HIVEP3: variants seen among roughly 807,000 people sequenced by gnomAD.
HIVEP3 encodes transcription factor HIVEP3.
HIVEP3 carries 49 observed loss-of-function variants against 152.8 expected under a neutral mutation model. The ratio of observed to expected loss-of-function variants is 0.32; its 90% confidence interval spans 0.26 to 0.41. HIVEP3 has a LOEUF of 0.41. HIVEP3 is among the 10% of genes least tolerant of loss of function. The pLI is 1.00. For missense variants in HIVEP3, 2,790 were observed against 3,103.3 expected, an observed-to-expected ratio of 0.90 and a Z score of 2.40; for synonymous variants, 1,269 against 1,289.0, an observed-to-expected ratio of 0.98 and a Z score of 0.33.
chr1:41,545,072 CAACATCACCACCTCT>C, intron 5 of HIVEP3, among the ~76,000 whole-genome samples: 1 of 123,782 alleles, frequency 8.1e-6, no homozygotes, highest in African/African-American at 3.0e-5. Flanking sequence ...CCACCACCAC[CAACATCACCACCTCT>C]ACCATCGCTA....
chr1:41,935,862 G>A (rs1422514506), intron 1 of HIVEP3, among the ~76,000 whole-genome samples: 2 of 151,328 alleles, frequency 1.3e-5, no homozygotes, highest in Non-Finnish European at 2.9e-5. Flanking sequence ...GATATTCTAA[G>A]ATCATCTTAG....
At position 41,629,818 on chromosome 1, in the gene HIVEP3, CG is replaced by C. The variant is rs200933022; in HGVS notation, c.-720-872del. ...GTGGAGAGAAGGGAATGCTTATACG[CG>C]GTTGGCAGGAATGTAAGGTAGCTCA... is the stretch of plus-strand genomic sequence containing the variant. On this transcript the variant is annotated intron_variant, in intron 2 of 8. Coordinates refer to ENST00000372583, the MANE Select transcript of HIVEP3 (RefSeq NM_024503.5). 8.7e-3 allele frequency among the ~76,000 whole-genome samples: 1,330 copies of C among 152,294 alleles called. 9 individuals carry two copies. Among genetic ancestry groups the C allele is most frequent in the Non-Finnish European group, 0.015 (1,025 of 68,028 alleles).
intron 1 of HIVEP3, among the ~76,000 whole-genome samples, chr1:41,868,428 G>C (rs1644021128): frequency 6.6e-6 from 1 of 152,026 alleles, no homozygotes; most frequent in Non-Finnish European, 1.5e-5. Context: ...ATGCAAATAA[G>C]TCTCTTGCTC....
intron 2 of HIVEP3, among the ~76,000 whole-genome samples, chr1:41,698,662 G>A (rs891905167): frequency 2.6e-5 from 4 of 152,068 alleles, no homozygotes; most frequent in African/African-American, 9.7e-5. Flanking sequence ...GGTGTTTCCC[G>A]TGCCATGCCT....
intron 5 of HIVEP3, among the ~76,000 whole-genome samples, chr1:41,544,825 CCACCAT>C (rs1157133109): frequency 7.2e-6 from 1 of 139,158 alleles, no homozygotes; most frequent in Non-Finnish European, 1.6e-5. Context: ...ACCTCTACCA[CCACCAT>C]CACCACCACC....
intron 1 of HIVEP3, among the ~76,000 whole-genome samples, chr1:41,732,037 G>A (rs1646847024): frequency 6.6e-6 from 1 of 152,238 alleles, no homozygotes; most frequent in Non-Finnish European, 1.5e-5. Flanking sequence ...GGAAACAAAA[G>A]ATGAGGACAT....
At chr1:41,790,399 T>G (rs1235888293) in intron 1 of HIVEP3, among the ~76,000 whole-genome samples, 2 of 152,164 alleles carry the variant, frequency 1.3e-5, no homozygotes, top group Admixed American at 6.5e-5. Context: ...GTTTCTTGTA[T>G]AGCCTGCAGA....
chr1:41,750,387 T>G (rs1188375437), intron 1 of HIVEP3, among the ~76,000 whole-genome samples: 1 of 152,208 alleles, frequency 6.6e-6, no homozygotes, highest in African/African-American at 2.4e-5. Context: ...AAAATTCCAT[T>G]AGTTGATTCT....
At chr1:41,562,608 T>TCG (rs1644089825) in intron 5 of HIVEP3, among the ~76,000 whole-genome samples, 1 of 91,312 alleles carries the variant, frequency 1.1e-5, no homozygotes, top group Non-Finnish European at 2.3e-5. Flanking sequence ...TCTTTCTCTC[T>TCG]CTCTCTCTCT....
intron 1 of HIVEP3, among the ~76,000 whole-genome samples, chr1:41,906,124 A>G (rs996917359): frequency 1.3e-5 from 2 of 152,188 alleles, no homozygotes; most frequent in Admixed American, 1.3e-4. Flanking sequence ...CCTGACCAAC[A>G]TGGTGAAACC....
intron 1 of HIVEP3, among the ~76,000 whole-genome samples, chr1:41,943,384 T>C (rs1243414404): frequency 6.6e-6 from 1 of 152,252 alleles, no homozygotes; most frequent in Non-Finnish European, 1.5e-5. Context: ...ATGTTTTGCA[T>C]AATTTTAAAA....
chr1:41,769,163 C>T (rs1460525869), intron 1 of HIVEP3, among the ~76,000 whole-genome samples: 1 of 152,192 alleles, frequency 6.6e-6, no homozygotes, highest in Non-Finnish European at 1.5e-5. Context: ...CTTTCAGGTA[C>T]CTTGGACACT....
intron 1 of HIVEP3, among the ~76,000 whole-genome samples, chr1:41,951,435 A>G (rs925717884): frequency 2.6e-5 from 4 of 152,220 alleles, no homozygotes; most frequent in African/African-American, 9.6e-5. Flanking sequence ...GAGGGCACAA[A>G]TAAGATTTCT....
At chr1:41,984,033 A>G (rs1645308788) in intron 1 of HIVEP3, among the ~76,000 whole-genome samples, 1 of 152,224 alleles carries the variant, frequency 6.6e-6, no homozygotes, top group South Asian at 2.1e-4. Flanking sequence ...GTGCAATGGC[A>G]CAATCTTGGC....
At position 41,664,833 on chromosome 1, in the gene HIVEP3, C is replaced by T. The variant is rs1414593683; in HGVS notation, c.-720-35886G>A. ...TCCTTTCTCTTGACAAACTCCTCTG[C>T]AGCCATCAGGGAGCCTGGGATATCC... On this transcript the variant is annotated intron_variant, in intron 2 of 8. Transcript: ENST00000372583. The surrounding 1 kb of genome is among the most constrained non-coding windows in gnomAD (Gnocchi z 4.4). Among the ~76,000 whole-genome samples the T allele has an allele frequency of 6.6e-6, 1 of 152,198 alleles. No homozygotes were observed. The highest frequency in any genetic ancestry group is 2.1e-4 in the South Asian group (1 of 4,824).
intron 1 of HIVEP3, among the ~76,000 whole-genome samples, chr1:41,979,953 A>T (rs962569860): frequency 2.6e-5 from 4 of 152,234 alleles, no homozygotes; most frequent in African/African-American, 7.2e-5. Flanking sequence ...TTTGGGGAGC[A>T]GAAAGGTCTG....
chr1:41,688,940 C>T (rs1484784481), intron 2 of HIVEP3, among the ~76,000 whole-genome samples: 1 of 152,210 alleles, frequency 6.6e-6, no homozygotes, highest in Non-Finnish European at 1.5e-5. Flanking sequence ...ACCTCCCAGC[C>T]TCCTCAGAGA....
At chr1:41,523,096 T>G (rs1178397165) in intron 6 of HIVEP3, among the ~76,000 whole-genome samples, 1 of 152,228 alleles carries the variant, frequency 6.6e-6, no homozygotes, top group African/African-American at 2.4e-5. Context: ...GGTGATAAGT[T>G]TTCCACTTTT....
At chr1:41,686,824 G>A (rs1320528263) in intron 2 of HIVEP3, among the ~76,000 whole-genome samples, 1 of 152,158 alleles carries the variant, frequency 6.6e-6, no homozygotes, top group African/African-American at 2.4e-5. Context: ...GTTATCAGAG[G>A]AGCAGCATGA....
Sources: gnomAD v4.1 joint callset for allele counts (sites outside exome capture counted in the v4.1 genomes callset) on GRCh38, gnomAD v4.1.1 for gene constraint, Gnocchi (gnomAD v3.1) non-coding constraint, MANE v1.5 for transcripts, NCBI Gene and HGNC (gene_info 2026-07-23, HGNC 2026-07-21) for gene names.